Variants in PCSK5 observed in about 807,000 individuals in gnomAD.
PCSK5 encodes the protein prohormone convertase 5.
PCSK5 carries 129 observed loss-of-function variants against 233.2 expected under a neutral mutation model. The ratio of observed to expected loss-of-function variants is 0.55; its 90% confidence interval spans 0.48 to 0.64. The LOEUF (loss-of-function observed/expected upper bound fraction) is 0.64. PCSK5 is among the 30% of genes least tolerant of loss of function. PCSK5 has a pLI of 0.00. For missense variants in PCSK5, 2,076 were observed against 2,430.1 expected, an observed-to-expected ratio of 0.85 and a Z score of 3.06; for synonymous variants, 825 against 879.2, an observed-to-expected ratio of 0.94 and a Z score of 1.09.
intron 2 of PCSK5, among the ~76,000 whole-genome samples, chr9:75,948,990 G>A (rs897547700): frequency 4.0e-5 from 6 of 151,180 alleles, no homozygotes; most frequent in Admixed American, 2.6e-4. Context: ...ATCCAGGCCC[G>A]AAGTAAATAA....
chr9:75,933,802 T>G (rs1367549621), intron 2 of PCSK5, among the ~76,000 whole-genome samples: 3 of 152,222 alleles, frequency 2.0e-5, no homozygotes, highest in Non-Finnish European at 4.4e-5. Flanking sequence ...TTTGGGACAT[T>G]CATGAATTAG....
At chr9:75,984,884 TTGAC>T (rs560504799) in intron 2 of PCSK5, among the ~76,000 whole-genome samples, 12 of 152,184 alleles carry the variant, frequency 7.9e-5, no homozygotes, top group Non-Finnish European at 1.8e-4. Context: ...CTGCTCCACT[TTGAC>T]TGAGAAGGAT....
intron 1 of PCSK5, among the ~76,000 whole-genome samples, chr9:75,918,172 C>T (rs78387300): frequency 0.025 from 3,845 of 152,176 alleles, 157 homozygotes; most frequent in African/African-American, 0.086. Context: ...GGGCCCTTAG[C>T]GTTATAAAAG....
chr9:76,184,780 C>T (rs1824026051), intron 17 of PCSK5, 23 bp downstream of exon 17: 3 of 1,355,076 alleles, frequency 2.2e-6, no homozygotes, highest in Non-Finnish European at 3.1e-6. Context: ...AGGATTTTAT[C>T]AAGTAACACA....
intron 2 of PCSK5, among the ~76,000 whole-genome samples, chr9:75,971,496 G>C (rs1366805136): frequency 6.6e-6 from 1 of 152,156 alleles, no homozygotes; most frequent in Non-Finnish European, 1.5e-5. Context: ...GTAGGTCTTT[G>C]AGGAATTGCT....
At chr9:76,262,216 G>T (rs1424683551) in intron 24 of PCSK5, among the ~76,000 whole-genome samples, 4 of 152,054 alleles carry the variant, frequency 2.6e-5, no homozygotes, top group African/African-American at 7.2e-5. Flanking sequence ...GTAATTTATA[G>T]ATTCAATGCC....
intron 3 of PCSK5, among the ~76,000 whole-genome samples, chr9:76,009,839 T>A (rs1408124105): frequency 6.6e-6 from 1 of 152,170 alleles, no homozygotes; most frequent in Non-Finnish European, 1.5e-5. Context: ...TATTACCTGC[T>A]TTATATCCCT....
intron 10 of PCSK5, among the ~76,000 whole-genome samples, chr9:76,153,414 T>C (rs1393328488): frequency 6.6e-6 from 1 of 152,218 alleles, no homozygotes; most frequent in Non-Finnish European, 1.5e-5. Flanking sequence ...CTGGTCGGGA[T>C]TCCTGTTCAC....
At position 76,328,083 on chromosome 9, in the gene PCSK5, C is replaced by G; in HGVS notation, c.4414C>G (p.Pro1472Ala). ...CTGTCAGAAAGGCCTGATCATGAAC[C>G]CTCGTGGGAGCTGCATGGCCAACGA... ...TTCQKGLIMN[P>A]RGSCMANEKC... The change falls in exon 33 of 38, where the codon CCT (proline) becomes GCT (alanine). Residue 1472 changes from proline (P) to alanine (A), a missense_variant. Pro to Ala is a conservative substitution (Grantham distance 27). Around this residue, in one of 6 missense-constraint regions of PCSK5, gnomAD observed 1,510 missense variants for 1,538.1 expected, o/e 0.98. Transcript: ENST00000674117. 1 of 1,612,854 alleles carries G rather than the reference C, an allele frequency of 6.2e-7. No homozygotes were observed. Among genetic ancestry groups the G allele is most frequent in the Non-Finnish European group, 8.5e-7 (1 of 1,179,842 alleles).
intron 5 of PCSK5, among the ~76,000 whole-genome samples, chr9:76,048,185 T>A (rs1313418104): frequency 6.6e-6 from 1 of 152,188 alleles, no homozygotes; most frequent in African/African-American, 2.4e-5. Context: ...TGAAAGTTCA[T>A]TAGGAAATCA....
At chr9:76,350,002 A>G (rs1047069694) in intron 35 of PCSK5, among the ~76,000 whole-genome samples, 3 of 152,072 alleles carry the variant, frequency 2.0e-5, no homozygotes, top group African/African-American at 7.2e-5. Context: ...GCAAGGTGCA[A>G]TTGACCTTGC....
At chr9:76,241,383 A>T (rs1452375560) in intron 24 of PCSK5, among the ~76,000 whole-genome samples, 1 of 152,204 alleles carries the variant, frequency 6.6e-6, no homozygotes, top group Non-Finnish European at 1.5e-5. Context: ...CAGAGGTTGC[A>T]GTGAGCCAAG....
intron 2 of PCSK5, among the ~76,000 whole-genome samples, chr9:75,940,280 A>G (rs10781315): frequency 0.27 from 40,853 of 152,172 alleles, 5,729 homozygotes; most frequent in East Asian, 0.49. Context: ...CCATTTCTCT[A>G]TAATAGTTCT....
intron 2 of PCSK5, among the ~76,000 whole-genome samples, chr9:75,957,133 A>C (rs1825129235): frequency 6.6e-6 from 1 of 152,072 alleles, no homozygotes; most frequent in Admixed American, 6.6e-5. Context: ...GTGTCATGAG[A>C]TTTGCTGTAT....
At chr9:76,225,800 C>A (rs1472252910) in intron 20 of PCSK5, among the ~76,000 whole-genome samples, 1 of 152,210 alleles carries the variant, frequency 6.6e-6, no homozygotes, top group African/African-American at 2.4e-5. Context: ...CCAGTCAACA[C>A]CTTTGTATGA....
Position 76,179,627 on chromosome 9 carries a change from C to T in PCSK5, c.1932C>T (p.Gly644=), listed in dbSNP as rs775988811. 1 of 1,613,760 alleles carries T rather than the reference C, an allele frequency of 6.2e-7. No individual in the cohort carries two copies. The highest frequency in any genetic ancestry group is 8.5e-7 in the Non-Finnish European group (1 of 1,179,698). Residue 644 remains glycine (G), a synonymous_variant, in exon 15 of 38, where the codon GGC becomes GGT. Transcript: ENST00000674117. ...GCGACCCTGAGTGCAGTGAGGTTGG[C>T]TGTGACGGGCCAGGACCAGACCACT... The part of the protein sequence containing the change: ...GPCDPECSEV[G]CDGPGPDHCN...
intron 24 of PCSK5, among the ~76,000 whole-genome samples, chr9:76,255,908 G>T (rs1422296093): frequency 6.6e-6 from 1 of 152,234 alleles, no homozygotes. Flanking sequence ...TATGTCATTT[G>T]CCTAAAGTTA....
chr9:76,224,063 G>A (rs1292473727), intron 20 of PCSK5, among the ~76,000 whole-genome samples: 3 of 152,094 alleles, frequency 2.0e-5, no homozygotes, highest in African/African-American at 4.8e-5. Context: ...TGAGAGACAG[G>A]CACAGTTTAG....
intron 3 of PCSK5, among the ~76,000 whole-genome samples, chr9:76,001,288 A>G (rs1170705332): frequency 6.6e-6 from 1 of 151,946 alleles, no homozygotes; most frequent in African/African-American, 2.4e-5. Context: ...AATGTATCCC[A>G]CACATGTCAT....
Sources: allele counts gnomAD v4.1 joint callset (sites outside exome capture counted in the v4.1 genomes callset), GRCh38; gene constraint gnomAD v4.1.1; regional missense constraint gnomAD v4.1.1; transcripts MANE v1.5; gene names NCBI Gene and HGNC (gene_info 2026-07-23, HGNC 2026-07-21).